The following NCKAP5 variants were observed in gnomAD, a reference collection of about 807,000 sequenced individuals.
NCKAP5 encodes the protein nck-associated protein 5.
Under a neutral mutation model 167.0 loss-of-function variants are expected in NCKAP5, and 92 were observed. That is an observed-to-expected ratio of 0.55 (90% CI 0.47 to 0.66). NCKAP5 has a LOEUF of 0.66. Ranked by LOEUF, NCKAP5 falls within the 30% of genes least tolerant of loss-of-function variation. The probability of loss-of-function intolerance (pLI) is 0.00; values close to 1 mark genes in which losing one functional copy is unlikely to be tolerated. For missense variants in NCKAP5, 2,378 were observed against 2,315.0 expected (o/e 1.03, Z -0.56); for synonymous variants, 891 against 877.4 (o/e 1.02, Z -0.27).
intron 16 of NCKAP5, among the ~76,000 whole-genome samples, chr2:132,749,950 T>C (rs1041510552): frequency 6.6e-6 from 1 of 152,078 alleles, no homozygotes; most frequent in Non-Finnish European, 1.5e-5. Flanking sequence ...CCACCTTTTA[T>C]CCTCCCAACA....
the NCKAP5 span, among the ~76,000 whole-genome samples, chr2:133,615,874 A>C: frequency 6.6e-6 from 1 of 151,960 alleles, no homozygotes; most frequent in Non-Finnish European, 1.5e-5. Context: ...CACCACACCT[A>C]TTCCAAAATT....
chr2:132,855,417 C>G (rs1689388273), intron 11 of NCKAP5, among the ~76,000 whole-genome samples: 1 of 152,230 alleles, frequency 6.6e-6, no homozygotes, highest in African/African-American at 2.4e-5. Flanking sequence ...CTCCTCCTGT[C>G]ACCCTGTGGG....
intron 2 of NCKAP5, among the ~76,000 whole-genome samples, chr2:133,537,529 T>C (rs1425080554): frequency 6.6e-6 from 1 of 152,128 alleles, no homozygotes; most frequent in African/African-American, 2.4e-5. Context: ...CTAAATTTAT[T>C]CCTAGATGTT....
intron 3 of NCKAP5, among the ~76,000 whole-genome samples, chr2:133,470,860 C>G (rs999894307): frequency 1.3e-5 from 2 of 152,262 alleles, no homozygotes; most frequent in East Asian, 1.9e-4. Flanking sequence ...ATGCCTCACC[C>G]TGCTTTGGCT....
intron 19 of NCKAP5, among the ~76,000 whole-genome samples, chr2:132,706,644 C>A (rs1280638255): frequency 1.3e-5 from 2 of 152,024 alleles, no homozygotes; most frequent in East Asian, 1.9e-4. Context: ...TCTTAGCTGA[C>A]CTCCCTAGAT....
At chr2:133,493,165 C>G (rs565223209) in intron 3 of NCKAP5, among the ~76,000 whole-genome samples, 1 of 152,120 alleles carries the variant, frequency 6.6e-6, no homozygotes, top group African/African-American at 2.4e-5. Context: ...ACTCGCTCAG[C>G]GACTTTATGC....
At chr2:133,063,989 C>A (rs753455630) in intron 6 of NCKAP5, among the ~76,000 whole-genome samples, 1 of 152,200 alleles carries the variant, frequency 6.6e-6, no homozygotes, top group Non-Finnish European at 1.5e-5. Flanking sequence ...CTGCAACCCT[C>A]CAAAACATCG....
chr2:133,590,204 G>T, the NCKAP5 span, among the ~76,000 whole-genome samples: 2 of 152,136 alleles, frequency 1.3e-5, no homozygotes, highest in South Asian at 4.1e-4. Context: ...TCACTTAAAA[G>T]TGGTGGCCGG....
At chr2:133,275,677 G>A (rs1021437771) in intron 4 of NCKAP5, among the ~76,000 whole-genome samples, 5 of 151,946 alleles carry the variant, frequency 3.3e-5, no homozygotes, top group Admixed American at 2.0e-4. Context: ...TCCTATGCAC[G>A]TGTATCAATG....
intron 7 of NCKAP5, among the ~76,000 whole-genome samples, chr2:132,991,574 C>T (rs1268919533): frequency 1.3e-5 from 2 of 152,178 alleles, no homozygotes; most frequent in Non-Finnish European, 2.9e-5. Context: ...ACCTTTAATG[C>T]ATGCAAAGCA....
In NCKAP5 at chr2:132,909,046, G is replaced by A. The variant is rs545098937; in HGVS notation, c.580-30130C>T. Among the ~76,000 whole-genome samples, 12 of 152,128 alleles carry A rather than the reference G, an allele frequency of 7.9e-5. No individual in the cohort carries two copies. The South Asian group carries it at 2.5e-3, about 32-fold the overall frequency. On this transcript the variant is annotated intron_variant, in intron 8 of 19. Transcript: ENST00000409261. ...CACGGTAAGCAGTTTTTAAAAAATC[G>A]ATTAAAAAAGAAAATACTGGCCAGG...
chr2:133,252,616 AT>A (rs1161728443), intron 4 of NCKAP5, among the ~76,000 whole-genome samples: 3 of 152,106 alleles, frequency 2.0e-5, no homozygotes, highest in African/African-American at 7.2e-5. Flanking sequence ...CCTGTCACTG[AT>A]TTAGACAAAA....
intron 6 of NCKAP5, among the ~76,000 whole-genome samples, chr2:133,056,670 C>T (rs916741447): frequency 3.3e-5 from 5 of 152,206 alleles, no homozygotes; most frequent in Non-Finnish European, 7.3e-5. Context: ...TTATTAAACA[C>T]ATATTATCAA....
intron 16 of NCKAP5, among the ~76,000 whole-genome samples, chr2:132,752,533 C>T (rs1680203625): frequency 6.6e-6 from 1 of 152,144 alleles, no homozygotes; most frequent in Non-Finnish European, 1.5e-5. Context: ...TCTCTACCCA[C>T]CCCCTGCCCA....
At chr2:133,618,014 T>C in the NCKAP5 span, among the ~76,000 whole-genome samples, 3 of 151,962 alleles carry the variant, frequency 2.0e-5, no homozygotes, top group Non-Finnish European at 2.9e-5. Flanking sequence ...TCTACAACTA[T>C]CTGATCTTTG....
the NCKAP5 span, among the ~76,000 whole-genome samples, chr2:133,575,319 G>A: frequency 2.0e-5 from 3 of 152,160 alleles, no homozygotes; most frequent in African/African-American, 7.2e-5. Flanking sequence ...AATAACCATT[G>A]TTCAATCTAC....
intron 11 of NCKAP5, among the ~76,000 whole-genome samples, chr2:132,857,683 A>AG (rs1689578480): frequency 6.6e-6 from 1 of 152,106 alleles, no homozygotes; most frequent in African/African-American, 2.4e-5. Context: ...TTTAATATGG[A>AG]GGGGGGTCTT....
chr2:133,276,636 C>T (rs1489852196), intron 4 of NCKAP5, among the ~76,000 whole-genome samples: 1 of 151,976 alleles, frequency 6.6e-6, no homozygotes, highest in African/African-American at 2.4e-5. Context: ...CACTCCAATG[C>T]TCCACATTTA....
intron 3 of NCKAP5, among the ~76,000 whole-genome samples, chr2:133,454,958 T>C (rs1308125398): frequency 1.3e-5 from 2 of 152,046 alleles, no homozygotes; most frequent in African/African-American, 4.8e-5. Flanking sequence ...TTTGAGAAAA[T>C]ACATTGGCAT....
Sources: allele counts gnomAD v4.1 joint callset (sites outside exome capture counted in the v4.1 genomes callset), GRCh38; gene constraint gnomAD v4.1.1; transcripts MANE v1.5; gene names NCBI Gene and HGNC (gene_info 2026-07-23, HGNC 2026-07-21).